Variants in FREM3 observed in about 807,000 individuals in gnomAD.
FREM3 encodes FRAS1-related extracellular matrix protein 3.
Under a neutral mutation model 129.1 loss-of-function variants are expected in FREM3, and 105 were observed. The ratio of observed to expected loss-of-function variants is 0.81; its 90% CI spans 0.69 to 0.96. FREM3 has a LOEUF of 0.96. Among genes scored for constraint, FREM3 ranks in the 40% least tolerant of loss-of-function variants. The pLI is 0.00. For synonymous variants in FREM3, 1,014 were observed against 1,044.9 expected (o/e 0.97, Z 0.57); for missense variants, 2,593 against 2,666.3 (o/e 0.97, Z 0.61).
At chr4:143,651,898 C>G (rs1739517735) in intron 2 of FREM3, among the ~76,000 whole-genome samples, 1 of 152,208 alleles carries the variant, frequency 6.6e-6, no homozygotes, top group East Asian at 1.9e-4. Context: ...TTCAGCATTA[C>G]TATTATTTTC....
In FREM3 at chr4:143,699,903, G is replaced by C; in HGVS notation, c.773C>G (p.Ser258Cys). Reference sequence around the variant, plus strand: ...GGGCACGTAGTCACGGTTGGGCGAGGAGGTGGCTGTGTGCTGATAGCGCAC... The same window carrying C: ...GGGCACGTAGTCACGGTTGGGCGAGCAGGTGGCTGTGTGCTGATAGCGCAC... The part of the protein sequence containing the change: ...AGVRYQHTAT[S>C]SPNRDYVPMM... Residue 258 changes from serine (S) to cysteine (C), a missense_variant, in exon 1 of 8, where the codon TCC (serine) becomes TGC (cysteine). Ser to Cys is a moderately radical substitution (Grantham distance 112). Around this residue, in one of 2 missense-constraint regions of FREM3, gnomAD observed 2,276 missense variants for 2,267.2 expected, o/e 1.00. Coordinates refer to ENST00000329798, the MANE Select transcript of FREM3 (RefSeq NM_001168235.2). This position sits in a 1 kb window ranked among gnomAD's most constrained non-coding sequence, Gnocchi z 4.2. 1 of 1,536,548 alleles carries C rather than the reference G, an allele frequency of 6.5e-7. No homozygotes were observed. The highest frequency in any genetic ancestry group is 1.2e-5 in the South Asian group (1 of 84,038).
chr4:143,641,091 T>A (rs1739314385), intron 2 of FREM3, among the ~76,000 whole-genome samples: 1 of 152,152 alleles, frequency 6.6e-6, no homozygotes, highest in African/African-American at 2.4e-5. Context: ...TTCTTCCTTA[T>A]ACACATAGCA....
chr4:143,676,662 TCTC>T (rs1350176731), intron 2 of FREM3, among the ~76,000 whole-genome samples: 6 of 152,092 alleles, frequency 3.9e-5, no homozygotes, highest in African/African-American at 1.4e-4. Flanking sequence ...CAGCCCAAAA[TCTC>T]CTTAAGCTGA....
At chr4:143,665,073 C>G (rs566580783) in intron 2 of FREM3, among the ~76,000 whole-genome samples, 1 of 152,232 alleles carries the variant, frequency 6.6e-6, no homozygotes, top group South Asian at 2.1e-4. Context: ...TGCTTTGGCT[C>G]GCGCACGGTG....
In FREM3 at chr4:143,698,586, G is replaced by A; in HGVS notation, c.2090C>T (p.Pro697Leu). 1 of 1,537,756 alleles carries A rather than the reference G, an allele frequency of 6.5e-7. No homozygotes were observed. The highest frequency in any genetic ancestry group is 8.7e-7 in the Non-Finnish European group (1 of 1,147,018). ...KQHIFTIKVQ[P>L]VDILSPQLYP... ...CAGCTGTGGACTCAGTATATCCACT[G>A]GTTGGACCTTGATGGTGAAAATGTG... The change falls in exon 1 of 8, where the codon CCA becomes CTA. Residue 697 changes from proline (P) to leucine (L), a missense_variant. Physicochemically the swap from Pro to Leu is moderately conservative, Grantham distance 98 (BLOSUM62 -3). This residue lies in a region of FREM3 where 2,276 missense variants were observed against 2,267.2 expected (regional missense o/e 1.00). Coordinates refer to ENST00000329798, the MANE Select transcript of FREM3 (RefSeq NM_001168235.2).
At position 143,577,828 on chromosome 4, in the gene FREM3, C is replaced by G. The variant is rs1207976704; in HGVS notation, c.6203G>C (p.Ser2068Thr). The change falls in exon 8 of 8, where the codon AGC becomes ACC. Residue 2068 changes from serine to threonine, a missense_variant. Transcript: ENST00000329798. ...AEAGTDYVGI[S>T]RNLDFAPGVR... is the part of the protein sequence containing the mutation. ...GCCTGGAGCAAAGTCCAGGTTTCGGCTGATACCAACATAATCTGTTCCAGC... is the reference window on the plus strand; with the variant it reads ...GCCTGGAGCAAAGTCCAGGTTTCGGGTGATACCAACATAATCTGTTCCAGC... 6.5e-7 allele frequency: 1 copy of G among 1,537,040 alleles called. No individual in the cohort carries two copies. Among genetic ancestry groups the G allele is most frequent in the African/African-American group, 1.4e-5 (1 of 73,044 alleles).
chr4:143,665,390 C>A (rs560259952), intron 2 of FREM3, among the ~76,000 whole-genome samples: 1 of 152,194 alleles, frequency 6.6e-6, no homozygotes, highest in East Asian at 1.9e-4. Context: ...ACTGTAAGTT[C>A]TTGAGAGCAA....
chr4:143,691,714 A>G (rs912206971), intron 2 of FREM3, among the ~76,000 whole-genome samples: 2 of 152,224 alleles, frequency 1.3e-5, no homozygotes, highest in Admixed American at 6.5e-5. Context: ...TGGCTAGCTC[A>G]CAGAAAAAAG....
At chr4:143,597,456 T>C (rs959776858) in intron 6 of FREM3, among the ~76,000 whole-genome samples, 5 of 152,254 alleles carry the variant, frequency 3.3e-5, no homozygotes, top group African/African-American at 1.2e-4. Context: ...TCTTACTATT[T>C]TGACTACTGT....
intron 2 of FREM3, among the ~76,000 whole-genome samples, chr4:143,675,229 A>G (rs1357825179): frequency 1.3e-5 from 2 of 152,230 alleles, no homozygotes; most frequent in African/African-American, 2.4e-5. Context: ...ACTCAGGATT[A>G]AGAAACTCAC....
chr4:143,627,853 GTTTCAAAACATACTCGTTTTA>G (rs1285808538), intron 2 of FREM3, 93 bp from the exon 3 acceptor site: 2 of 781,584 alleles, frequency 2.6e-6, no homozygotes, highest in African/African-American at 3.6e-5. Flanking sequence ...GAAACCAAGG[GTTTCAAAACATACTCGTTTTA>G]TTTTATTTTA....
chr4:143,675,850 G>A (rs924326086), intron 2 of FREM3, among the ~76,000 whole-genome samples: 1 of 152,114 alleles, frequency 6.6e-6, no homozygotes, highest in Admixed American at 6.6e-5. Context: ...GGAAGAAGTT[G>A]AATCTCTGAA....
intron 2 of FREM3, among the ~76,000 whole-genome samples, chr4:143,686,458 T>C (rs762666082): frequency 5.9e-5 from 9 of 152,288 alleles, no homozygotes; most frequent in Non-Finnish European, 8.8e-5. Flanking sequence ...ATTTAAACTA[T>C]ACCTTGGAAC....
chr4:143,612,636 A>C (rs1379876868), intron 5 of FREM3, among the ~76,000 whole-genome samples: 5 of 152,082 alleles, frequency 3.3e-5, no homozygotes, highest in Non-Finnish European at 5.9e-5. Flanking sequence ...CAACCCAATA[A>C]TTTTTTTTCT....
intron 6 of FREM3, among the ~76,000 whole-genome samples, chr4:143,605,545 C>T (rs538862324): frequency 3.4e-4 from 51 of 152,012 alleles, no homozygotes; most frequent in Non-Finnish European, 4.3e-4. Context: ...CACTATGATT[C>T]GCAGATGTAA....
chr4:143,605,298 G>A (rs1049799709), intron 6 of FREM3, among the ~76,000 whole-genome samples: 23 of 152,082 alleles, frequency 1.5e-4, no homozygotes, highest in Admixed American at 4.6e-4. Context: ...AATATGGCAC[G>A]GCTCAAGGGT....
In FREM3 at chr4:143,615,184, T is replaced by C. The variant is rs1738822815; in HGVS notation, c.5780-3657A>G. 2.0e-5 allele frequency among the ~76,000 whole-genome samples: 3 copies of C among 152,324 alleles called. No homozygotes were observed. The South Asian group carries it at 6.2e-4, about 32-fold the overall frequency. On this transcript the variant is annotated intron_variant, in intron 5 of 7. Coordinates refer to ENST00000329798, the MANE Select transcript of FREM3 (RefSeq NM_001168235.2). The stretch of plus-strand genomic sequence containing the variant: ...ACTTTATGAGGTGGCCAGGGCGTTT[T>C]ATCAATGAGAAAATTGAGGCAGAGA...
chr4:143,655,654 A>G (rs1042308503), intron 2 of FREM3, among the ~76,000 whole-genome samples: 2 of 152,320 alleles, frequency 1.3e-5, no homozygotes, highest in East Asian at 1.9e-4. Flanking sequence ...AGGAAATACC[A>G]TTTAAGTTAT....
chr4:143,637,243 G>A lies in FREM3; in HGVS notation c.5276-9483C>T, dbSNP rs1191036728. On this transcript the variant is annotated intron_variant, in intron 2 of 7. Coordinates refer to ENST00000329798, the MANE Select transcript of FREM3 (RefSeq NM_001168235.2). The stretch of plus-strand genomic sequence containing the variant: ...CAGCTCCAGTTACATGTCTACAGAT[G>A]ATAAATATAATGGTCTTTTTTTCCA... Among the ~76,000 whole-genome samples the A allele has an allele frequency of 2.9e-5, 4 of 137,610 alleles. No homozygotes were observed. In the East Asian group the frequency reaches 1.0e-3, roughly 36 times the overall value. 90.3% of individuals were successfully genotyped at this position (137,610 alleles called of 152,430 possible).
Sources: gnomAD v4.1 joint callset for allele counts (sites outside exome capture counted in the v4.1 genomes callset) on GRCh38, gnomAD v4.1.1 for gene constraint, gnomAD v4.1.1 regional missense constraint, Gnocchi (gnomAD v3.1) non-coding constraint, MANE v1.5 for transcripts, NCBI Gene and HGNC (gene_info 2026-07-23, HGNC 2026-07-21) for gene names.